CACNA2D1: variants seen among roughly 807,000 people sequenced by gnomAD.
CACNA2D1 encodes the protein calcium voltage-gated channel auxiliary subunit alpha2delta 1.
A neutral mutation model predicts 171.5 loss-of-function variants in CACNA2D1; 53 were observed. The observed-to-expected ratio is 0.31, with a 90% confidence interval of 0.25 to 0.39. The LOEUF (loss-of-function observed/expected upper bound fraction) is 0.39. Among genes scored for constraint, CACNA2D1 ranks in the 10% least tolerant of loss-of-function variants. CACNA2D1 has a pLI of 1.00. For missense variants in CACNA2D1, 903 were observed against 1,299.8 expected, an observed-to-expected ratio of 0.69 and a Z score of 4.69; for synonymous variants, 442 against 443.1, an observed-to-expected ratio of 1.00 and a Z score of 0.03.
chr7:81,964,382 A>C, intron 32 of CACNA2D1, 23 bp from the exon 33 acceptor site: 1 of 1,605,046 alleles, frequency 6.2e-7, no homozygotes, highest in Non-Finnish European at 8.5e-7. Context: ...AAAATCATAA[A>C]GCAACGTGCA....
chr7:82,015,063 AAAAGAAAG>A (rs570820638), intron 12 of CACNA2D1, among the ~76,000 whole-genome samples: 1 of 152,142 alleles, frequency 6.6e-6, no homozygotes, highest in African/African-American at 2.4e-5. Flanking sequence ...AAAAAAAGAA[AAAAGAAAG>A]AAAGAAAGAA....
intron 3 of CACNA2D1, among the ~76,000 whole-genome samples, chr7:82,329,498 G>A (rs527628222): frequency 3.2e-4 from 49 of 152,190 alleles, no homozygotes; most frequent in Middle Eastern, 3.4e-3. Flanking sequence ...TGAACAATGA[G>A]ACCACAGATT....
At chr7:82,294,955 A>G (rs1009647052) in intron 3 of CACNA2D1, among the ~76,000 whole-genome samples, 14 of 152,216 alleles carry the variant, frequency 9.2e-5, no homozygotes, top group Admixed American at 2.6e-4. Flanking sequence ...CAGAAAACTA[A>G]TACAGGGCTC....
chr7:82,033,576 A>C (rs1251839268), intron 11 of CACNA2D1, among the ~76,000 whole-genome samples: 1 of 152,022 alleles, frequency 6.6e-6, no homozygotes, highest in Non-Finnish European at 1.5e-5. Flanking sequence ...CTGGTCACCT[A>C]AAATGCAATG....
intron 3 of CACNA2D1, among the ~76,000 whole-genome samples, chr7:82,202,969 T>C (rs1196207066): frequency 6.6e-6 from 1 of 152,134 alleles, no homozygotes; most frequent in East Asian, 1.9e-4. Flanking sequence ...CTTAACTTTG[T>C]GGAGACAGTT....
At chr7:82,333,607 C>T (rs1035777770) in intron 3 of CACNA2D1, among the ~76,000 whole-genome samples, 3 of 151,956 alleles carry the variant, frequency 2.0e-5, no homozygotes, top group Non-Finnish European at 4.4e-5. Context: ...TTACCTCCCA[C>T]CACATCCCTC....
chr7:82,295,343 T>C (rs1167463612), intron 3 of CACNA2D1, among the ~76,000 whole-genome samples: 1 of 46,962 alleles, frequency 2.1e-5, no homozygotes, highest in African/African-American at 5.1e-5. Flanking sequence ...TAGCTTGTAT[T>C]TTTTTTTTTT....
At chr7:82,226,212 C>T (rs1300137854) in intron 3 of CACNA2D1, among the ~76,000 whole-genome samples, 3 of 152,118 alleles carry the variant, frequency 2.0e-5, no homozygotes, top group Non-Finnish European at 4.4e-5. Flanking sequence ...CATTGATTCA[C>T]AAAAGTACTA....
intron 9 of CACNA2D1, 108 bp downstream of exon 9, chr7:82,064,196 T>G: frequency 1.5e-6 from 1 of 672,922 alleles, no homozygotes; most frequent in South Asian, 2.0e-5. Context: ...TAATTTTTCT[T>G]TGTTTCTTTT....
chr7:82,289,595 T>A (rs2129393238), intron 3 of CACNA2D1, among the ~76,000 whole-genome samples: 1 of 152,322 alleles, frequency 6.6e-6, no homozygotes, highest in Non-Finnish European at 1.5e-5. Flanking sequence ...AATATGACTC[T>A]CACTGACTTA....
At chr7:82,170,751 C>A in intron 3 of CACNA2D1, 142 bp from the exon 4 acceptor site, 1 of 765,256 alleles carries the variant, frequency 1.3e-6, no homozygotes, top group South Asian at 1.5e-5. Context: ...AATTCTAAAT[C>A]ATTTAGTAAT....
chr7:82,043,812 G>A (rs958799255), intron 10 of CACNA2D1, among the ~76,000 whole-genome samples: 3 of 152,146 alleles, frequency 2.0e-5, no homozygotes, highest in Non-Finnish European at 4.4e-5. Context: ...CACGCTACAA[G>A]TCAAAGAAGC....
At chr7:81,996,195 C>T (rs1467901211) in intron 19 of CACNA2D1, among the ~76,000 whole-genome samples, 2 of 152,034 alleles carry the variant, frequency 1.3e-5, no homozygotes, top group East Asian at 3.9e-4. Context: ...GAAACTGAGG[C>T]TTGCAGAATC....
At chr7:81,972,775 A>G (rs2130473459) in intron 25 of CACNA2D1, among the ~76,000 whole-genome samples, 1 of 152,124 alleles carries the variant, frequency 6.6e-6, no homozygotes, top group Admixed American at 6.6e-5. Context: ...TTTTTCAGAT[A>G]AAGAATATAT....
chr7:82,240,646 C>T (rs1040879232), intron 3 of CACNA2D1, among the ~76,000 whole-genome samples: 19 of 152,094 alleles, frequency 1.2e-4, no homozygotes, highest in Admixed American at 1.2e-3. Flanking sequence ...ATTCTTAAAA[C>T]ACACCACTTA....
At position 81,970,938 on chromosome 7, in the gene CACNA2D1, T is replaced by A. The variant is rs1795203278; in HGVS notation, c.2142-201A>T. 5.4e-6 allele frequency: 3 copies of A among 559,334 alleles called. No homozygotes were observed. The Admixed American group carries it at 8.6e-5, about 16-fold the overall frequency. 34.6% of individuals were successfully genotyped at this position (559,334 alleles called of 1,614,324 possible). A position where few individuals can be genotyped will look rare whatever the true frequency, so the allele number is the denominator to read the frequency against. On this transcript the variant is annotated intron_variant, in intron 26 of 38. Coordinates refer to ENST00000356860, the MANE Select transcript of CACNA2D1 (RefSeq NM_000722.4). The stretch of plus-strand genomic sequence containing the variant: ...AAGGAAGACATCTCATAGGAAATAA[T>A]GACTGAGGTGCATTTTGAACATGGA...
intron 3 of CACNA2D1, among the ~76,000 whole-genome samples, chr7:82,314,949 C>T (rs567409300): frequency 7.3e-4 from 111 of 151,598 alleles, no homozygotes; most frequent in Admixed American, 3.9e-3. Flanking sequence ...CTTCATCTCT[C>T]CTGCTCTAAA....
At chr7:82,109,998 A>G (rs937110655) in intron 6 of CACNA2D1, among the ~76,000 whole-genome samples, 4 of 152,194 alleles carry the variant, frequency 2.6e-5, no homozygotes, top group African/African-American at 9.7e-5. Flanking sequence ...CATGTTTAAA[A>G]TTCTAGCGTT....
At chr7:82,088,832 A>G (rs1027700788) in intron 6 of CACNA2D1, among the ~76,000 whole-genome samples, 1 of 151,774 alleles carries the variant, frequency 6.6e-6, no homozygotes, top group Admixed American at 6.6e-5. Context: ...GTTAAAGACA[A>G]TTTTTCCACA....
Sources: gnomAD v4.1 joint callset for allele counts (sites outside exome capture counted in the v4.1 genomes callset) on GRCh38, gnomAD v4.1.1 for gene constraint, MANE v1.5 for transcripts, NCBI Gene and HGNC (gene_info 2026-07-23, HGNC 2026-07-21) for gene names.